TOGARAM1: variants seen among roughly 807,000 people sequenced by gnomAD.
The protein encoded by TOGARAM1 is TOG array regulator of axonemal microtubules protein 1.
Under a neutral mutation model 166.6 loss-of-function variants are expected in TOGARAM1, and 100 were observed. The ratio of observed to expected loss-of-function variants is 0.60; its 90% confidence interval spans 0.51 to 0.71. The LOEUF is 0.71. TOGARAM1 is among the 30% of genes least tolerant of loss of function. The pLI is 0.00. For missense variants in TOGARAM1, 2,029 were observed against 2,102.7 expected (o/e 0.96, Z 0.69); for synonymous variants, 758 against 763.8 (o/e 0.99, Z 0.13).
chr14:45,050,096 G>A (rs1469465939), intron 14 of TOGARAM1, among the ~76,000 whole-genome samples: 2 of 139,644 alleles, frequency 1.4e-5, no homozygotes, highest in Non-Finnish European at 3.2e-5. Flanking sequence ...AACATTCCAG[G>A]CTAAACATTA....
chr14:45,001,938 C>T (rs1398559773), intron 3 of TOGARAM1, among the ~76,000 whole-genome samples: 1 of 152,072 alleles, frequency 6.6e-6, no homozygotes, highest in African/African-American at 2.4e-5. Flanking sequence ...TAATTAACAG[C>T]TTTAACAATT....
intron 14 of TOGARAM1, 52 bp from the exon 15 acceptor site, chr14:45,052,384 T>G: frequency 4.6e-6 from 7 of 1,538,042 alleles, no homozygotes; most frequent in Non-Finnish European, 6.2e-6. Flanking sequence ...GGTCAGCAAC[T>G]GAGCTTATTA....
At chr14:45,025,704 C>A in intron 7 of TOGARAM1, 79 bp from the exon 8 acceptor site, 2 of 732,848 alleles carry the variant, frequency 2.7e-6, no homozygotes, top group South Asian at 1.8e-5. Context: ...TTTTAAAAGA[C>A]TATGTTACAA....
chr14:45,027,214 AG>A, intron 8 of TOGARAM1, 84 bp from the exon 9 acceptor site: 1 of 1,345,250 alleles, frequency 7.4e-7, no homozygotes. Flanking sequence ...TGATTCTTGA[AG>A]GCAAGAGCCT....
intron 3 of TOGARAM1, among the ~76,000 whole-genome samples, chr14:45,001,855 C>T (rs1021308969): frequency 6.6e-6 from 1 of 152,034 alleles, no homozygotes; most frequent in African/African-American, 2.4e-5. Context: ...ACATAAGATA[C>T]AGAAGAGGAA....
intron 1 of TOGARAM1, among the ~76,000 whole-genome samples, chr14:44,986,060 A>G (rs1566609810): frequency 6.6e-6 from 1 of 152,186 alleles, no homozygotes; most frequent in African/African-American, 2.4e-5. Flanking sequence ...TGATTTTACA[A>G]TTTTGTATTT....
chr14:45,054,001 C>A (rs1306237973), intron 15 of TOGARAM1, among the ~76,000 whole-genome samples: 2 of 151,982 alleles, frequency 1.3e-5, no homozygotes, highest in Non-Finnish European at 2.9e-5. Context: ...GCCTCAGCCT[C>A]CCAAATAGCT....
intron 7 of TOGARAM1, among the ~76,000 whole-genome samples, chr14:45,017,207 T>G (rs1330260870): frequency 1.3e-5 from 2 of 152,204 alleles, no homozygotes; most frequent in Non-Finnish European, 2.9e-5. Context: ...TTCTCAGTTT[T>G]GAGGTTTTTC....
At chr14:44,977,291 G>A (rs930860181) in intron 1 of TOGARAM1, among the ~76,000 whole-genome samples, 3 of 143,848 alleles carry the variant, frequency 2.1e-5, no homozygotes, top group East Asian at 2.1e-4. Context: ...CTGGAGTGTA[G>A]TAGTGTGATC....
In TOGARAM1 at chr14:44,962,757, C is replaced by T. The variant is rs778992651; in HGVS notation, c.336C>T (p.Ala112=). 4 of 1,613,328 alleles carry T rather than the reference C, an allele frequency of 2.5e-6. No homozygotes were observed. The highest frequency in any genetic ancestry group is 2.7e-5 in the African/African-American group (2 of 74,938). Residue 112 remains alanine, a synonymous_variant, in exon 1 of 20, where the codon GCC becomes GCT. Coordinates refer to ENST00000361462, the MANE Select transcript of TOGARAM1 (RefSeq NM_001308120.2). ...LLRTARDPSE[A]FQALQAALPR... ...GCACTGCCCGGGATCCTTCTGAGGC[C>T]TTCCAGGCTTTGCAAGCTGCTTTGC...
At chr14:45,071,333 T>C (rs1198808202) in intron 18 of TOGARAM1, among the ~76,000 whole-genome samples, 3 of 151,302 alleles carry the variant, frequency 2.0e-5, no homozygotes, top group Non-Finnish European at 4.4e-5. Context: ...CCTTTAAAAC[T>C]GTGTGAGGTA....
rs77347835 is a variant in TOGARAM1 at position 44,973,065 on chromosome 14, A to G, written c.2046+8598A>G. 1.9e-3 allele frequency among the ~76,000 whole-genome samples: 288 copies of G among 152,224 alleles called. 2 individuals carry two copies. The highest frequency in any genetic ancestry group is 6.4e-3 in the African/African-American group (268 of 41,578). ...TGTCTTTTAATTGTTAGACATTTAA[A>G]GAGTTTATTGATATAGTTGGATTAA... On this transcript the variant is annotated intron_variant, in intron 1 of 19. Transcript: ENST00000361462.
rs1478543600 is a variant in TOGARAM1, at chr14:44,962,945, C to T, written c.524C>T (p.Ala175Val). ...GQGEAGQLEE[A>V]FSLALLPQLV... ...GGGGAGGCAGGCCAGCTTGAAGAGG[C>T]CTTTAGCTTAGCACTTTTGCCTCAA... Residue 175 changes from alanine to valine, a missense_variant, in exon 1 of 20, where the codon GCC (alanine) becomes GTC (valine). Physicochemically the swap from Ala to Val is moderately conservative, Grantham distance 64. Transcript: ENST00000361462. The T allele has an allele frequency of 2.5e-6, 4 of 1,614,030 alleles. No homozygotes were observed. Among genetic ancestry groups the T allele is most frequent in the Non-Finnish European group, 3.4e-6 (4 of 1,180,020 alleles).
rs1887832930 is a variant in TOGARAM1, at chr14:45,004,196, C to G, written c.2474C>G (p.Thr825Ser). 2.5e-6 allele frequency: 4 copies of G among 1,613,948 alleles called. No individual in the cohort carries two copies. Among genetic ancestry groups the G allele is most frequent in the Non-Finnish European group, 3.4e-6 (4 of 1,180,000 alleles). Residue 825 changes from threonine (T) to serine (S), a missense_variant, in exon 4 of 20, where the codon ACT becomes AGT. Coordinates refer to ENST00000361462, the MANE Select transcript of TOGARAM1 (RefSeq NM_001308120.2). ...LPSYPVSSPRTSPKHTSPLII... is the reference protein window; with the variant it reads ...LPSYPVSSPRSSPKHTSPLII... ...TCCTATCCTGTCTCATCACCTCGAACTAGTCCAAAGCATACATCTCCTCTT... is the reference window on the plus strand; with the variant it reads ...TCCTATCCTGTCTCATCACCTCGAAGTAGTCCAAAGCATACATCTCCTCTT...
At chr14:45,063,960 C>T (rs1883025139) in intron 16 of TOGARAM1, among the ~76,000 whole-genome samples, 2 of 152,156 alleles carry the variant, frequency 1.3e-5, no homozygotes, top group South Asian at 2.1e-4. Flanking sequence ...GTTCCTCACC[C>T]CCACCACCTT....
chr14:45,030,143 A>C (rs762398573), intron 10 of TOGARAM1, among the ~76,000 whole-genome samples: 21 of 152,204 alleles, frequency 1.4e-4, no homozygotes, highest in Non-Finnish European at 2.9e-4. Flanking sequence ...TTTAAAAAAA[A>C]AAATCTTCAT....
intron 7 of TOGARAM1, among the ~76,000 whole-genome samples, chr14:45,023,465 C>G (rs1024260140): frequency 2.6e-5 from 4 of 152,188 alleles, no homozygotes; most frequent in African/African-American, 9.6e-5. Flanking sequence ...GATGTCCACA[C>G]AGTAAGATCT....
intron 2 of TOGARAM1, chr14:44,996,567 G>A (rs527976830): frequency 2.0e-5 from 3 of 152,324 alleles, no homozygotes; most frequent in Non-Finnish European, 2.9e-5. Flanking sequence ...TTTGAAGAAA[G>A]AATTGACATC....
intron 3 of TOGARAM1, among the ~76,000 whole-genome samples, chr14:45,001,554 T>C (rs1205365985): frequency 1.3e-5 from 2 of 151,984 alleles, no homozygotes; most frequent in Non-Finnish European, 2.9e-5. Flanking sequence ...AACAATTCAA[T>C]AGCAAAAAAA....
Sources: gnomAD v4.1 joint callset for allele counts (sites outside exome capture counted in the v4.1 genomes callset) on GRCh38, gnomAD v4.1.1 for gene constraint, MANE v1.5 for transcripts, NCBI Gene and HGNC (gene_info 2026-07-23, HGNC 2026-07-21) for gene names.